Variants in MTX2 observed in about 807,000 individuals in gnomAD.
The protein encoded by MTX2 is metaxin-2.
A neutral mutation model predicts 42.3 loss-of-function variants in MTX2; 35 were observed. The observed-to-expected ratio is 0.83, with a 90% CI of 0.63 to 1.10. The LOEUF is 1.10. Ranked by LOEUF, MTX2 falls within the 50% of genes least tolerant of loss-of-function variation. The pLI, the probability that MTX2 is intolerant of heterozygous loss-of-function variation, is 0.00. For missense variants in MTX2, 307 were observed against 304.1 expected (o/e 1.01, Z -0.07); for synonymous variants, 119 against 100.9 (o/e 1.18, Z -1.08).
rs1446775027 is a variant in MTX2, at chr2:176,269,472, G to A, written c.-158G>A. The A allele has an allele frequency of 6.6e-6, 5 of 761,394 alleles. No homozygotes were observed. Among genetic ancestry groups the A allele is most frequent in the African/African-American group, 3.7e-5 (2 of 53,858 alleles). The allele number at this position is 761,394 out of a possible 1,614,324, so 47.2% of individuals were successfully genotyped here. ...TAGCCAGGCCTGGCGGTAACCTTGGGGGCCTCACTGCAGCCGCCGCTGCTG... is the reference window on the plus strand; with the variant it reads ...TAGCCAGGCCTGGCGGTAACCTTGGAGGCCTCACTGCAGCCGCCGCTGCTG... On this transcript the variant is annotated 5_prime_UTR_variant, in exon 1 of 10. Coordinates refer to ENST00000249442, the MANE Select transcript of MTX2 (RefSeq NM_006554.5).
At chr2:176,325,701 A>G (rs1175549960) in intron 4 of MTX2, among the ~76,000 whole-genome samples, 14 of 151,854 alleles carry the variant, frequency 9.2e-5, no homozygotes, top group Admixed American at 9.2e-4. Flanking sequence ...CTGGTAGTAT[A>G]GTAGTTACAA....
At chr2:176,302,573 A>G (rs1684049932) in intron 3 of MTX2, among the ~76,000 whole-genome samples, 1 of 151,996 alleles carries the variant, frequency 6.6e-6, no homozygotes, top group African/African-American at 2.4e-5. Context: ...AGTAGCTGGG[A>G]TTACAGGTGT....
intron 3 of MTX2, among the ~76,000 whole-genome samples, chr2:176,313,728 A>C (rs779451810): frequency 6.6e-6 from 1 of 152,112 alleles, no homozygotes; most frequent in Non-Finnish European, 1.5e-5. Context: ...ACTGATGCAG[A>C]GGATTTCCTT....
chr2:176,285,307 CTT>C (rs936698351), intron 1 of MTX2, among the ~76,000 whole-genome samples: 4 of 151,734 alleles, frequency 2.6e-5, no homozygotes, highest in African/African-American at 7.3e-5. Flanking sequence ...TGCAATAAGT[CTT>C]TTAAGATTTT....
rs774721088 is a variant in MTX2 at position 176,328,394 on chromosome 2, C to G, written c.378+9C>G. ...TGCTGTTGACTGCAGAGGTAAAATA[C>G]TAGATGATACGGCTTGAAAATAAGC... On this transcript the variant is annotated intron_variant, in intron 6 of 9. Coordinates refer to ENST00000249442, the MANE Select transcript of MTX2 (RefSeq NM_006554.5). The G allele has an allele frequency of 6.8e-7, 1 of 1,476,852 alleles. No individual in the cohort carries two copies. The highest frequency in any genetic ancestry group is 1.4e-5 in the African/African-American group (1 of 69,560). The allele number at this position is 1,476,852 out of a possible 1,614,324, so 91.5% of individuals were successfully genotyped here. A position where few individuals can be genotyped will look rare whatever the true frequency, so the allele number is the denominator to read the frequency against.
At chr2:176,308,626 G>T (rs988103368) in intron 3 of MTX2, among the ~76,000 whole-genome samples, 3 of 152,138 alleles carry the variant, frequency 2.0e-5, no homozygotes, top group African/African-American at 7.2e-5. Flanking sequence ...TTGGGAGGGT[G>T]TATGTGTCCA....
intron 7 of MTX2, 123 bp downstream of exon 7, chr2:176,329,035 C>T: frequency 1.0e-6 from 1 of 962,996 alleles, no homozygotes; most frequent in Non-Finnish European, 1.5e-6. Flanking sequence ...TATAGTTTTT[C>T]ACTTACTTTA....
In MTX2 at chr2:176,324,006, G is replaced by T. The variant is rs922234315; in HGVS notation, c.208+542G>T. Among the ~76,000 whole-genome samples the T allele has an allele frequency of 2.0e-5, 3 of 151,400 alleles. No individual in the cohort carries two copies. In the Admixed American group the frequency reaches 2.0e-4, roughly 10 times the overall value. ...TTTAGCTTCCTATTTTTTAAAATCA[G>T]TATTATCTTTATGTCAGTAGATTAA... On this transcript the variant is annotated intron_variant, in intron 4 of 9. Coordinates refer to ENST00000249442, the MANE Select transcript of MTX2 (RefSeq NM_006554.5).
At chr2:176,293,989 G>T (rs1683773973) in intron 1 of MTX2, among the ~76,000 whole-genome samples, 1 of 152,064 alleles carries the variant, frequency 6.6e-6, no homozygotes, top group Admixed American at 6.6e-5. Flanking sequence ...TAAATCATAG[G>T]TTCTATTTGT....
chr2:176,329,367 C>T lies in MTX2; in HGVS notation c.484C>T (p.Gln162Ter). The stretch of plus-strand genomic sequence containing the variant: ...GAATCATATTTTGGCCTATCAAAAA[C>T]AGTGGGAAGTCAAACGTAAGATGAA... ...PLNHILAYQK[Q>*]WEVKRKMKAI... The change falls in exon 8 of 10, where the codon CAG (glutamine) becomes TAG (stop). Residue 162 changes from glutamine (Q) to a stop codon, truncating the protein, a stop_gained. Coordinates refer to ENST00000249442, the MANE Select transcript of MTX2 (RefSeq NM_006554.5). LOFTEE classifies it high-confidence loss of function. 6.2e-7 allele frequency: 1 copy of T among 1,607,922 alleles called. No individual in the cohort carries two copies. The highest frequency in any genetic ancestry group is 8.5e-7 in the Non-Finnish European group (1 of 1,175,788).
Position 176,330,623 on chromosome 2 carries a change from CAA to C in MTX2, c.585_586del (p.Arg196ThrfsTer10). The C allele has an allele frequency of 6.3e-7, 1 of 1,595,710 alleles. No individual in the cohort carries two copies. The highest frequency in any genetic ancestry group is 8.6e-7 in the Non-Finnish European group (1 of 1,167,876). ...AGACCAGTGCTGTCAAGCTCTCTCT[CAA>C]AGACTGGGAACACAACCGTATTTCT... is the stretch of plus-strand genomic sequence containing the variant. Reference protein sequence around the residue: ...DVDQCCQALSQRLGTQPYFFN... With the variant: ...DVDQCCQALSXRLGTQPYFFN... On this transcript the variant is annotated frameshift_variant, in exon 9 of 10. Coordinates refer to ENST00000249442, the MANE Select transcript of MTX2 (RefSeq NM_006554.5). LOFTEE classifies it high-confidence loss of function.
chr2:176,269,659 C>T lies in MTX2; in HGVS notation c.30C>T (p.Ser10=), dbSNP rs761203670. Residue 10 remains serine, a synonymous_variant, in exon 1 of 10, where the codon TCC becomes TCT. Transcript: ENST00000249442. MSLVAEAFV[S]QIAAAEPWPE... ...CTCTAGTGGCGGAAGCCTTCGTCTC[C>T]CAGATTGCAGGTAGCGCGGCTGGCC... is the stretch of plus-strand genomic sequence containing the variant. 2.0e-5 allele frequency: 32 copies of T among 1,598,126 alleles called. No homozygotes were observed. In the South Asian group the frequency reaches 3.2e-4, roughly 16 times the overall value.
chr2:176,273,656 T>G (rs1692877203), intron 1 of MTX2, among the ~76,000 whole-genome samples: 2 of 152,202 alleles, frequency 1.3e-5, no homozygotes, highest in Non-Finnish European at 2.9e-5. Flanking sequence ...CTCCCCAGTT[T>G]AAGTGAACTG....
Position 176,329,407 on chromosome 2 carries a change from G to A in MTX2, c.524G>A (p.Gly175Glu), listed in dbSNP as rs1228442661. The A allele has an allele frequency of 6.2e-7, 1 of 1,606,608 alleles. No individual in the cohort carries two copies. Among genetic ancestry groups the A allele is most frequent in the East Asian group, 2.2e-5 (1 of 44,598 alleles). Residue 175 changes from glycine to glutamate, a missense_variant, in exon 8 of 10, where the codon GGA (glycine) becomes GAA (glutamate). Physicochemically the swap from Gly to Glu is moderately conservative, Grantham distance 98. Transcript: ENST00000249442. ...VKRKMKAIGW[G>E]KKTLDQVLED... The stretch of plus-strand genomic sequence containing the variant: ...CGTAAGATGAAAGCTATTGGATGGG[G>A]AAAGAAGACTCTGGACCAGGTCAGT...
intron 1 of MTX2, among the ~76,000 whole-genome samples, chr2:176,286,423 C>T (rs1693203586): frequency 6.6e-6 from 1 of 152,040 alleles, no homozygotes; most frequent in South Asian, 2.1e-4. Context: ...GAAGTTCTGC[C>T]TTCCTTTTTC....
chr2:176,308,776 C>G (rs922828621), intron 3 of MTX2, among the ~76,000 whole-genome samples: 3 of 152,052 alleles, frequency 2.0e-5, no homozygotes, highest in Non-Finnish European at 4.4e-5. Context: ...TTTGATTCTT[C>G]TCTCTTTTCT....
intron 3 of MTX2, among the ~76,000 whole-genome samples, chr2:176,303,778 A>C (rs1684081168): frequency 6.6e-6 from 1 of 152,112 alleles, no homozygotes; most frequent in Non-Finnish European, 1.5e-5. Flanking sequence ...AGGTGGCTAT[A>C]GGAGTTGTTG....
chr2:176,271,311 CAT>C (rs1692800466), intron 1 of MTX2, among the ~76,000 whole-genome samples: 2 of 151,978 alleles, frequency 1.3e-5, no homozygotes, highest in Non-Finnish European at 2.9e-5. Flanking sequence ...TAGAGGAAAA[CAT>C]AGATTATTTT....
chr2:176,313,030 T>A (rs565104669), intron 3 of MTX2, among the ~76,000 whole-genome samples: 1 of 152,082 alleles, frequency 6.6e-6, no homozygotes, highest in African/African-American at 2.4e-5. Context: ...ATTTTAATTT[T>A]TCTCATAAGG....
Sources: gnomAD v4.1 joint callset for allele counts (sites outside exome capture counted in the v4.1 genomes callset) on GRCh38, gnomAD v4.1.1 for gene constraint, MANE v1.5 for transcripts, NCBI Gene and HGNC (gene_info 2026-07-23, HGNC 2026-07-21) for gene names.